The following PTPRN2 variants were observed in gnomAD, a reference collection of about 807,000 sequenced individuals.
PTPRN2 encodes protein tyrosine phosphatase receptor type N2.
In PTPRN2, 74 loss-of-function variants were observed where a neutral mutation model predicts 118.8. The ratio of observed to expected loss-of-function variants is 0.62; its 90% CI spans 0.52 to 0.76. PTPRN2 has a LOEUF of 0.76. PTPRN2 is among the 30% of genes least tolerant of loss of function. The pLI, the probability that PTPRN2 is intolerant of heterozygous loss-of-function variation, is 0.00. For synonymous variants in PTPRN2, 641 were observed against 608.0 expected, an observed-to-expected ratio of 1.05 and a Z score of -0.80; for missense variants, 1,481 against 1,394.4, an observed-to-expected ratio of 1.06 and a Z score of -0.99.
chr7:157,901,079 A>G (rs910858920), intron 11 of PTPRN2, among the ~76,000 whole-genome samples: 3 of 152,214 alleles, frequency 2.0e-5, no homozygotes, highest in Admixed American at 6.5e-5. Context: ...GGAGCCATGC[A>G]GTGTGCAGAG....
At chr7:158,484,628 G>A (rs1291045600) in intron 2 of PTPRN2, among the ~76,000 whole-genome samples, 3 of 152,204 alleles carry the variant, frequency 2.0e-5, no homozygotes, top group African/African-American at 7.2e-5. Context: ...CTCCTGAAGT[G>A]CTGGGATTAC....
At chr7:158,470,880 C>G (rs1819801753) in intron 2 of PTPRN2, among the ~76,000 whole-genome samples, 1 of 151,564 alleles carries the variant, frequency 6.6e-6, no homozygotes, top group Non-Finnish European at 1.5e-5. Context: ...GTCACCCAGG[C>G]TGGAGTGCGG....
rs57138972 is a variant in PTPRN2, at chr7:157,729,121, T to C, written c.1789-46184A>G. Among the ~76,000 whole-genome samples, 1 of 152,164 alleles carries C rather than the reference T, an allele frequency of 6.6e-6. No individual in the cohort carries two copies. The highest frequency in any genetic ancestry group is 1.9e-4 in the East Asian group (1 of 5,192). The stretch of plus-strand genomic sequence containing the variant: ...ACAGAAAAGATGCAGAAGTTGATAA[T>C]TGCTTTGATATACCCATCTCTGTTT... On this transcript the variant is annotated intron_variant, in intron 12 of 22. Coordinates refer to ENST00000389418, the MANE Select transcript of PTPRN2 (RefSeq NM_002847.5). This position sits in a 1 kb window ranked among gnomAD's most constrained non-coding sequence, Gnocchi z 4.3.
intron 1 of PTPRN2, among the ~76,000 whole-genome samples, chr7:158,575,650 G>A (rs1828281374): frequency 6.6e-6 from 1 of 152,186 alleles, no homozygotes; most frequent in Non-Finnish European, 1.5e-5. Flanking sequence ...ACAGGCATGA[G>A]CCAATGTGCC....
chr7:158,330,764 G>C (rs1225221089), intron 2 of PTPRN2, among the ~76,000 whole-genome samples: 1 of 112,128 alleles, frequency 8.9e-6, no homozygotes. Context: ...CACCATAAGA[G>C]CTGACACCCG....
intron 22 of PTPRN2, among the ~76,000 whole-genome samples, chr7:157,546,882 C>T (rs1305060843): frequency 6.6e-5 from 10 of 152,196 alleles, no homozygotes; most frequent in South Asian, 2.1e-4. Context: ...CTTGTTCTGG[C>T]GAACAGGATA....
At chr7:158,176,630 T>A (rs1213581867) in intron 5 of PTPRN2, among the ~76,000 whole-genome samples, 1 of 152,128 alleles carries the variant, frequency 6.6e-6, no homozygotes, top group East Asian at 1.9e-4. Context: ...GGGACAGGAC[T>A]GTCTGGGAGG....
chr7:158,104,707 C>G, intron 10 of PTPRN2, among the ~76,000 whole-genome samples: 1 of 149,292 alleles, frequency 6.7e-6, no homozygotes, highest in Non-Finnish European at 1.5e-5. Context: ...CAACTCCACT[C>G]AGCTCCATCA....
At chr7:157,691,081 C>G (rs1051290012) in intron 12 of PTPRN2, among the ~76,000 whole-genome samples, 3 of 117,090 alleles carry the variant, frequency 2.6e-5, no homozygotes, top group Non-Finnish European at 1.9e-5. Context: ...CCCCCCCCCC[C>G]ACATGTTGCT....
At chr7:158,099,053 C>G (rs1814953139) in intron 10 of PTPRN2, among the ~76,000 whole-genome samples, 1 of 35,416 alleles carries the variant, frequency 2.8e-5, no homozygotes, top group Non-Finnish European at 5.5e-5. Context: ...CACATCCCGG[C>G]TGCCTCCCCT....
chr7:158,310,005 A>C (rs1200641768), intron 3 of PTPRN2, among the ~76,000 whole-genome samples: 1 of 152,170 alleles, frequency 6.6e-6, no homozygotes, highest in East Asian at 1.9e-4. Flanking sequence ...GATGCCACCC[A>C]TGAACCAGGA....
At chr7:157,594,816 GAGA>G (rs1801199411) in intron 17 of PTPRN2, among the ~76,000 whole-genome samples, 1 of 152,232 alleles carries the variant, frequency 6.6e-6, no homozygotes, top group Admixed American at 6.5e-5. Flanking sequence ...GCGTCGAGTA[GAGA>G]AGCACGGCCT....
intron 9 of PTPRN2, among the ~76,000 whole-genome samples, chr7:158,116,115 A>C (rs945210554): frequency 6.6e-6 from 1 of 152,246 alleles, no homozygotes; most frequent in Admixed American, 6.5e-5. Flanking sequence ...ACAAGTACTC[A>C]TTCCACAAGT....
intron 3 of PTPRN2, among the ~76,000 whole-genome samples, chr7:158,223,670 A>G (rs73176112): frequency 0.21 from 32,629 of 152,084 alleles, 3,739 homozygotes; most frequent in African/African-American, 0.26. Context: ...TTATCAAGCT[A>G]ACAATAAACA....
At chr7:158,286,895 A>G (rs998558977) in intron 3 of PTPRN2, among the ~76,000 whole-genome samples, 1 of 152,144 alleles carries the variant, frequency 6.6e-6, no homozygotes, top group African/African-American at 2.4e-5. Context: ...CCTCTTCTTC[A>G]GTTTTTTGGA....
intron 12 of PTPRN2, among the ~76,000 whole-genome samples, chr7:157,812,036 G>A (rs1806076526): frequency 6.6e-6 from 1 of 152,184 alleles, no homozygotes; most frequent in Non-Finnish European, 1.5e-5. Flanking sequence ...AGTGAGAAAT[G>A]AGGAGGTTCA....
chr7:158,259,333 G>C (rs1413244218), intron 3 of PTPRN2, among the ~76,000 whole-genome samples: 1 of 152,196 alleles, frequency 6.6e-6, no homozygotes. Context: ...GAAGCAGGTG[G>C]CCCATGCAGG....
In PTPRN2 at chr7:157,929,801, A is replaced by G. The variant is rs1799254467; in HGVS notation, c.1724-31064T>C. Among the ~76,000 whole-genome samples the G allele has an allele frequency of 6.6e-6, 1 of 152,048 alleles. No homozygotes were observed. Among genetic ancestry groups the G allele is most frequent in the African/African-American group, 2.4e-5 (1 of 41,392 alleles). On this transcript the variant is annotated intron_variant, in intron 11 of 22. Coordinates refer to ENST00000389418, the MANE Select transcript of PTPRN2 (RefSeq NM_002847.5). The surrounding 1 kb of genome is among the most constrained non-coding windows in gnomAD (Gnocchi z 4.4). The stretch of plus-strand genomic sequence containing the variant: ...CTTTCCAAGTGCCCTGTAATGCAGA[A>G]CCTTTCCCAGTGCCCACTGGTGGTG...
chr7:158,046,201 T>G (rs1808852706), intron 11 of PTPRN2, among the ~76,000 whole-genome samples: 1 of 151,252 alleles, frequency 6.6e-6, no homozygotes, highest in Non-Finnish European at 1.5e-5. Context: ...CCTGGCATCC[T>G]GACACTGCCT....
Sources: gnomAD v4.1 joint callset for allele counts (sites outside exome capture counted in the v4.1 genomes callset) on GRCh38, gnomAD v4.1.1 for gene constraint, Gnocchi (gnomAD v3.1) non-coding constraint, MANE v1.5 for transcripts, NCBI Gene and HGNC (gene_info 2026-07-23, HGNC 2026-07-21) for gene names.